NMD3: variants seen among roughly 807,000 people sequenced by gnomAD.
The protein encoded by NMD3 is NMD3 ribosome export adaptor.
Under a neutral mutation model 73.1 loss-of-function variants are expected in NMD3, and 47 were observed. The observed-to-expected ratio is 0.64, with a 90% CI of 0.51 to 0.82. The LOEUF is 0.82. NMD3 is among the 40% of genes least tolerant of loss of function. The pLI is 0.00. For synonymous variants in NMD3, 210 were observed against 194.5 expected, an observed-to-expected ratio of 1.08 and a Z score of -0.66; for missense variants, 554 against 612.5, an observed-to-expected ratio of 0.90 and a Z score of 1.01.
intron 4 of NMD3, among the ~76,000 whole-genome samples, chr3:161,230,240 A>C (rs1196978147): frequency 6.6e-6 from 1 of 152,200 alleles, no homozygotes; most frequent in Non-Finnish European, 1.5e-5. Context: ...TTGGTACTAC[A>C]AACATGCACC....
rs1399237140 is a variant in NMD3 at position 161,247,781 on chromosome 3, C to T, written c.1203+451C>T. On this transcript the variant is annotated intron_variant, in intron 13 of 15. Transcript: ENST00000351193. ...TCCAGGCTGGGCAACAAGAACAAAA[C>T]TCAGTCTCAAAAAAAAAAAAAAGAA... is the stretch of plus-strand genomic sequence containing the variant. Among the ~76,000 whole-genome samples the T allele has an allele frequency of 6.6e-4, 85 of 128,560 alleles. 1 individual carries two copies. The highest frequency in any genetic ancestry group is 1.9e-4 in the Non-Finnish European group (12 of 62,206). The allele number at this position is 128,560 out of a possible 152,430, so 84.3% of individuals were successfully genotyped here.
intron 2 of NMD3, among the ~76,000 whole-genome samples, chr3:161,224,389 A>G (rs1048077750): frequency 6.6e-6 from 1 of 152,182 alleles, no homozygotes; most frequent in Non-Finnish European, 1.5e-5. Flanking sequence ...CATCGGCCTT[A>G]TATTGAGGAT....
In NMD3 at chr3:161,250,863, A is replaced by G. The variant is rs1737459395; in HGVS notation, c.1465A>G (p.Ile489Val). 6.2e-7 allele frequency: 1 copy of G among 1,612,848 alleles called. No homozygotes were observed. Among genetic ancestry groups the G allele is most frequent in the Non-Finnish European group, 8.5e-7 (1 of 1,179,032 alleles). ...SLAEMLEDLH[I>V]SQDATGEEGA... ...GGCTGAGATGCTTGAAGACCTTCAT[A>G]TTTCCCAAGATGCCACTGGTGAAGA... The change falls in exon 16 of 16, where the codon ATT (isoleucine) becomes GTT (valine). Residue 489 changes from isoleucine (I) to valine (V), a missense_variant. Coordinates refer to ENST00000351193, the MANE Select transcript of NMD3 (RefSeq NM_015938.5).
chr3:161,240,917 G>A lies in NMD3; in HGVS notation c.754-129G>A, dbSNP rs1576853662. 35 of 532,688 alleles carry A rather than the reference G, an allele frequency of 6.6e-5. No individual in the cohort carries two copies. In the East Asian group the frequency reaches 1.1e-3, roughly 16 times the overall value. 33.0% of individuals were successfully genotyped at this position (532,688 alleles called of 1,614,324 possible). On this transcript the variant is annotated intron_variant, in intron 9 of 15. Coordinates refer to ENST00000351193, the MANE Select transcript of NMD3 (RefSeq NM_015938.5). The stretch of plus-strand genomic sequence containing the variant: ...TCTGATTCTTTTCTTTAGTCTCTTT[G>A]TTGATTGATAGAATTGAAAATAACG...
intron 11 of NMD3, among the ~76,000 whole-genome samples, chr3:161,243,671 G>C (rs1460216449): frequency 1.3e-5 from 2 of 152,030 alleles, no homozygotes; most frequent in African/African-American, 4.8e-5. Context: ...CATTTAACTA[G>C]CTTCTTAATT....
intron 2 of NMD3, among the ~76,000 whole-genome samples, chr3:161,223,577 A>G (rs950319685): frequency 2.6e-5 from 4 of 151,884 alleles, no homozygotes; most frequent in Non-Finnish European, 5.9e-5. Context: ...CTATTGGTGT[A>G]GTCCAGAGAT....
intron 9 of NMD3, 118 bp from the exon 10 acceptor site, chr3:161,240,928 G>A (rs1736949842): frequency 3.6e-6 from 2 of 557,204 alleles, no homozygotes; most frequent in Non-Finnish European, 6.5e-6. Flanking sequence ...TTGATTGATA[G>A]AATTGAAAAT....
At position 161,222,027 on chromosome 3, in the gene NMD3, C is replaced by T. The variant is rs772105459; in HGVS notation, c.14C>T (p.Ala5Val). The T allele has an allele frequency of 2.6e-5, 39 of 1,528,378 alleles. No homozygotes were observed. The highest frequency in any genetic ancestry group is 2.2e-4 in the Admixed American group (12 of 55,332). 94.7% of individuals were successfully genotyped at this position (1,528,378 alleles called of 1,614,324 possible). ...GCATACAGAACGATGGAGTATATGG[C>T]AGAATCCACCGACCGCAGCCCTGGA... is the stretch of plus-strand genomic sequence containing the variant. MEYM[A>V]ESTDRSPGHI... Residue 5 changes from alanine to valine, a missense_variant, in exon 2 of 16, where the codon GCA becomes GTA. Coordinates refer to ENST00000351193, the MANE Select transcript of NMD3 (RefSeq NM_015938.5).
At chr3:161,240,899 C>T in intron 9 of NMD3, 147 bp from the exon 10 acceptor site, 1 of 480,996 alleles carries the variant, frequency 2.1e-6, no homozygotes, top group Non-Finnish European at 3.7e-6. Context: ...AGGTCTGATT[C>T]TTTTCTTTAG....
Position 161,251,578 on chromosome 3 carries a change from T to A in NMD3, c.*668T>A, listed in dbSNP as rs1576863630. The A allele has an allele frequency of 3.3e-5, 5 of 152,326 alleles. No homozygotes were observed. The South Asian group carries it at 1.0e-3, about 32-fold the overall frequency. 9.4% of individuals were successfully genotyped at this position (152,326 alleles called of 1,614,324 possible). Reference sequence around the variant, plus strand: ...CAAATAGAGACTCGTTATTTAAAGGTTAAATAACAATTTGTTCTTTTGTTG... The same window carrying A: ...CAAATAGAGACTCGTTATTTAAAGGATAAATAACAATTTGTTCTTTTGTTG... On this transcript the variant is annotated 3_prime_UTR_variant, in exon 16 of 16. Coordinates refer to ENST00000351193, the MANE Select transcript of NMD3 (RefSeq NM_015938.5).
At chr3:161,242,419 G>T in intron 10 of NMD3, 89 bp from the exon 11 acceptor site, 1 of 1,204,304 alleles carries the variant, frequency 8.3e-7, no homozygotes, top group African/African-American at 1.5e-5. Context: ...CTTCCCAGTT[G>T]GTATCTACCA....
At position 161,249,129 on chromosome 3, in the gene NMD3, A is replaced by G. The variant is rs775968400; in HGVS notation, c.1204-325A>G. Among the ~76,000 whole-genome samples, 9 of 152,344 alleles carry G rather than the reference A, an allele frequency of 5.9e-5. No individual in the cohort carries two copies. The South Asian group carries it at 1.7e-3, about 28-fold the overall frequency. On this transcript the variant is annotated intron_variant, in intron 13 of 15. Coordinates refer to ENST00000351193, the MANE Select transcript of NMD3 (RefSeq NM_015938.5). ...GTATCTACTTGTGATATTCAGAATG[A>G]TTTATATGAATGGTAGCTGAAAACT... is the stretch of plus-strand genomic sequence containing the variant.
In NMD3 at chr3:161,241,103, A is replaced by T; in HGVS notation, c.811A>T (p.Ile271Phe). Residue 271 changes from isoleucine to phenylalanine, a missense_variant, in exon 10 of 16, where the codon ATT becomes TTT. Coordinates refer to ENST00000351193, the MANE Select transcript of NMD3 (RefSeq NM_015938.5). ...LAQSLGNMNQ[I>F]CVCIRVTSAI... ...ACAAAGCCTGGGAAATATGAACCAG[A>T]TTTGTGTGTGTATTCGAGTAACCAG... 6.2e-7 allele frequency: 1 copy of T among 1,613,494 alleles called. No individual in the cohort carries two copies. The highest frequency in any genetic ancestry group is 8.5e-7 in the Non-Finnish European group (1 of 1,179,732).
Position 161,229,156 on chromosome 3 carries a change from G to A in NMD3, c.276+1813G>A, listed in dbSNP as rs563416845. 2.0e-5 allele frequency among the ~76,000 whole-genome samples: 3 copies of A among 152,330 alleles called. No homozygotes were observed. The South Asian group carries it at 6.2e-4, about 32-fold the overall frequency. ...GAAAAGTCATGGAAGGCCACAGTGT[G>A]TCTGGCCTTGTAGGCCCTTATAGGG... On this transcript the variant is annotated intron_variant, in intron 4 of 15. Transcript: ENST00000351193.
At chr3:161,234,982 A>G in intron 6 of NMD3, 127 bp downstream of exon 6, 3 of 990,508 alleles carry the variant, frequency 3.0e-6, no homozygotes, top group Non-Finnish European at 3.1e-6. Context: ...GAAATAGATC[A>G]TTATTACATT....
In NMD3 at chr3:161,238,733, C is replaced by T. The variant is rs751737441; in HGVS notation, c.660C>T (p.Tyr220=). The change falls in exon 9 of 16, where the codon TAC becomes TAT. Residue 220 remains tyrosine, a synonymous_variant. Transcript: ENST00000351193. ...CTACTAACTTTTTTCTTAATAGATA[C>T]AAAGCATCACAAAGACTGATCTCTC... ...EFLQCTVPCR[Y]KASQRLISQD... 3.4e-6 allele frequency: 5 copies of T among 1,486,384 alleles called. No homozygotes were observed. The highest frequency in any genetic ancestry group is 4.7e-6 in the Non-Finnish European group (5 of 1,066,842). The allele number at this position is 1,486,384 out of a possible 1,614,324, so 92.1% of individuals were successfully genotyped here.
chr3:161,234,701 A>T (rs376988916), intron 5 of NMD3, 26 bp from the exon 6 acceptor site: 5 of 1,574,898 alleles, frequency 3.2e-6, no homozygotes, highest in African/African-American at 2.7e-5. Flanking sequence ...AACCAAAAGA[A>T]TGAAGGAGTG....
intron 4 of NMD3, among the ~76,000 whole-genome samples, chr3:161,229,086 A>T (rs1244396763): frequency 6.6e-6 from 1 of 152,174 alleles, no homozygotes; most frequent in Non-Finnish European, 1.5e-5. Context: ...ACTTGTGTGA[A>T]TAGAACGGAG....
chr3:161,227,299 C>G lies in NMD3; in HGVS notation c.232C>G (p.Leu78Val), dbSNP rs771329468. ...WIQCALESRE[L>V]LALCLKKIKA... ...ACAGTGTGCTTTAGAATCCAGGGAA[C>G]TTCTTGCTTTGTGCTTGAAAAAAAT... Residue 78 changes from leucine to valine, a missense_variant, in exon 4 of 16, where the codon CTT becomes GTT. Transcript: ENST00000351193. The G allele has an allele frequency of 3.7e-6, 6 of 1,607,960 alleles. No homozygotes were observed. The highest frequency in any genetic ancestry group is 5.1e-6 in the Non-Finnish European group (6 of 1,176,582).
Sources: allele counts gnomAD v4.1 joint callset (sites outside exome capture counted in the v4.1 genomes callset), GRCh38; gene constraint gnomAD v4.1.1; transcripts MANE v1.5; gene names NCBI Gene and HGNC (gene_info 2026-07-23, HGNC 2026-07-21).